Variants in ADAMTS20 observed in about 807,000 individuals in gnomAD.
ADAMTS20 encodes the protein ADAM metallopeptidase with thrombospondin type 1 motif 20, also known as A disintegrin and metalloproteinase with thrombospondin motifs 20.
A neutral mutation model predicts 260.1 loss-of-function variants in ADAMTS20; 225 were observed. That is an observed-to-expected ratio of 0.87 (90% confidence interval 0.78 to 0.97). ADAMTS20 has a LOEUF of 0.97. Ranked by LOEUF, ADAMTS20 falls within the 50% of genes least tolerant of loss-of-function variation. The probability of loss-of-function intolerance (pLI) is 0.00; values close to 1 mark genes in which losing one functional copy is unlikely to be tolerated. For synonymous variants in ADAMTS20, 802 were observed against 769.5 expected (o/e 1.04, Z -0.70); for missense variants, 2,400 against 2,337.7 (o/e 1.03, Z -0.55).
chr12:43,388,363 ACT>A (rs1940528372), intron 29 of ADAMTS20, among the ~76,000 whole-genome samples: 1 of 152,072 alleles, frequency 6.6e-6, no homozygotes, highest in Non-Finnish European at 1.5e-5. Context: ...GGCTGTACCC[ACT>A]GTCTAACCAG....
At chr12:43,438,520 C>A (rs960944634) in intron 18 of ADAMTS20, among the ~76,000 whole-genome samples, 1 of 152,138 alleles carries the variant, frequency 6.6e-6, no homozygotes, top group African/African-American at 2.4e-5. Flanking sequence ...AAAATAGGAA[C>A]ATTTGTTCCC....
At position 43,466,676 on chromosome 12, in the gene ADAMTS20, C is replaced by T. The variant is rs759164482; in HGVS notation, c.1343G>A (p.Arg448Gln). 4.8e-5 allele frequency: 77 copies of T among 1,608,882 alleles called. No homozygotes were observed. The highest frequency in any genetic ancestry group is 4.5e-5 in the East Asian group (2 of 44,600). The change falls in exon 9 of 39, where the codon CGG becomes CAG. Residue 448 changes from arginine to glutamine, a missense_variant. By Grantham distance (43) the Arg-to-Gln change is conservative. Transcript: ENST00000389420. ...MSPWSWSNCS[R>Q]KYVTEFLDTG... ...CTCTAGGAATTCAGTAACATATTTC[C>T]GACTACAGTTTGACCAGCTCCAAGG... is the stretch of plus-strand genomic sequence containing the variant.
At chr12:43,506,234 T>A (rs1231070357) in intron 3 of ADAMTS20, among the ~76,000 whole-genome samples, 1 of 147,380 alleles carries the variant, frequency 6.8e-6, no homozygotes, top group Non-Finnish European at 1.5e-5. Flanking sequence ...ATAAGCCAGT[T>A]TTTTTTTTTA....
chr12:43,452,364 G>C lies in ADAMTS20; in HGVS notation c.1989C>G (p.Thr663=), dbSNP rs369993247. The C allele has an allele frequency of 1.1e-5, 17 of 1,613,142 alleles. No homozygotes were observed. Among genetic ancestry groups the C allele is most frequent in the Non-Finnish European group, 1.4e-5 (17 of 1,179,582 alleles). Residue 663 remains threonine, a synonymous_variant, in exon 14 of 39, where the codon ACC becomes ACG. Coordinates refer to ENST00000389420, the MANE Select transcript of ADAMTS20 (RefSeq NM_025003.5). The part of the protein sequence containing the change: ...RCKLYCQVAG[T]NYFYLLKDMV... ...TATCCTTCAATAGGTAGAAATAATT[G>C]GTTCCAGCAACCTGACAATAGAGTT...
chr12:43,425,792 T>C, intron 27 of ADAMTS20, 102 bp from the exon 28 acceptor site: 2 of 788,146 alleles, frequency 2.5e-6, no homozygotes, highest in African/African-American at 1.8e-5. Flanking sequence ...TTTATTCTAG[T>C]AATTTTAACA....
chr12:43,367,090 G>A (rs1403718178), intron 37 of ADAMTS20, among the ~76,000 whole-genome samples: 1 of 151,822 alleles, frequency 6.6e-6, no homozygotes, highest in Non-Finnish European at 1.5e-5. Flanking sequence ...AAAAGCCCAG[G>A]CTCAGATGGC....
At chr12:43,451,812 T>A (rs1419504207) in intron 14 of ADAMTS20, among the ~76,000 whole-genome samples, 1 of 152,092 alleles carries the variant, frequency 6.6e-6, no homozygotes, top group East Asian at 1.9e-4. Context: ...GTATCTGACA[T>A]CTAGTAGCTA....
rs950126122 is a variant in ADAMTS20, at chr12:43,377,619, T to C, written c.4798-57A>G. The stretch of plus-strand genomic sequence containing the variant: ...GTCATTAACTTTAGCCAGGGCCTAA[T>C]ATTTGTCAGATGCTTAATATATATT... On this transcript the variant is annotated intron_variant, in intron 31 of 38. Coordinates refer to ENST00000389420, the MANE Select transcript of ADAMTS20 (RefSeq NM_025003.5). 56 of 1,394,722 alleles carry C rather than the reference T, an allele frequency of 4.0e-5. 1 individual carries two copies. Among genetic ancestry groups the C allele is most frequent in the African/African-American group, 2.3e-4 (16 of 69,966 alleles). The allele number at this position is 1,394,722 out of a possible 1,614,324, so 86.4% of individuals were successfully genotyped here.
chr12:43,525,684 T>C (rs1023962076), intron 3 of ADAMTS20, among the ~76,000 whole-genome samples: 2 of 152,044 alleles, frequency 1.3e-5, no homozygotes, highest in African/African-American at 2.4e-5. Flanking sequence ...GAAAAATACA[T>C]TGAATGCAAA....
intron 3 of ADAMTS20, among the ~76,000 whole-genome samples, chr12:43,504,939 C>G (rs1027334289): frequency 6.6e-6 from 1 of 152,084 alleles, no homozygotes; most frequent in Non-Finnish European, 1.5e-5. Context: ...ATGCATCTAC[C>G]CTATGACATT....
Position 43,421,210 on chromosome 12 carries a change from G to T in ADAMTS20, c.4284+4304C>A, listed in dbSNP as rs972696781. Reference sequence around the variant, plus strand: ...TTTTTTCTGCACAATGTTTCAGAAGGACATTTTTTTTAAGAAGAAACACAA... The same window carrying T: ...TTTTTTCTGCACAATGTTTCAGAAGTACATTTTTTTTAAGAAGAAACACAA... On this transcript the variant is annotated intron_variant, in intron 28 of 38. Coordinates refer to ENST00000389420, the MANE Select transcript of ADAMTS20 (RefSeq NM_025003.5). 6.9e-5 allele frequency among the ~76,000 whole-genome samples: 9 copies of T among 130,814 alleles called. No individual in the cohort carries two copies. In the South Asian group the frequency reaches 2.2e-3, roughly 32 times the overall value. 85.8% of individuals were successfully genotyped at this position (130,814 alleles called of 152,430 possible).
intron 15 of ADAMTS20, among the ~76,000 whole-genome samples, chr12:43,446,315 A>T (rs1287733150): frequency 6.6e-6 from 1 of 152,194 alleles, no homozygotes; most frequent in African/African-American, 2.4e-5. Context: ...CATATCACAC[A>T]TCACAGTCAA....
Position 43,387,487 on chromosome 12 carries a change from G to T in ADAMTS20, c.4453-3510C>A, listed in dbSNP as rs180980550. Among the ~76,000 whole-genome samples, 79 of 152,326 alleles carry T rather than the reference G, an allele frequency of 5.2e-4. 1 individual carries two copies. The highest frequency in any genetic ancestry group is 1.8e-3 in the African/African-American group (73 of 41,578). On this transcript the variant is annotated intron_variant, in intron 29 of 38. Transcript: ENST00000389420. The stretch of plus-strand genomic sequence containing the variant: ...AGAGCTCAGGGATCCACATGAGGAG[G>T]CATTCTGTCCCTTAGCAGAGCTCAA...
At chr12:43,465,965 G>A (rs1942145326) in intron 9 of ADAMTS20, among the ~76,000 whole-genome samples, 1 of 152,066 alleles carries the variant, frequency 6.6e-6, no homozygotes, top group African/African-American at 2.4e-5. Flanking sequence ...AAGAAGTGAA[G>A]TAGTGTTACA....
chr12:43,408,271 T>C (rs1940957022), intron 28 of ADAMTS20, among the ~76,000 whole-genome samples: 1 of 152,220 alleles, frequency 6.6e-6, no homozygotes, highest in Non-Finnish European at 1.5e-5. Flanking sequence ...CATGACCGTC[T>C]GCCTTCCTGG....
chr12:43,357,241 T>G (rs894148988), intron 37 of ADAMTS20, among the ~76,000 whole-genome samples: 1 of 152,200 alleles, frequency 6.6e-6, no homozygotes, highest in Non-Finnish European at 1.5e-5. Flanking sequence ...CAGTACAGAT[T>G]TAAACATTGA....
At chr12:43,436,706 T>C (rs192673291) in intron 18 of ADAMTS20, among the ~76,000 whole-genome samples, 1 of 152,130 alleles carries the variant, frequency 6.6e-6, no homozygotes, top group East Asian at 1.9e-4. Flanking sequence ...GGGAACACAC[T>C]CTACTGAAAC....
At chr12:43,405,622 C>T (rs1940905055) in intron 28 of ADAMTS20, among the ~76,000 whole-genome samples, 1 of 151,876 alleles carries the variant, frequency 6.6e-6, no homozygotes, top group Non-Finnish European at 1.5e-5. Context: ...TCTCCCTCAA[C>T]CATTTTATTT....
chr12:43,461,112 T>C (rs1338035451), intron 11 of ADAMTS20, among the ~76,000 whole-genome samples: 1 of 149,068 alleles, frequency 6.7e-6, no homozygotes, highest in Non-Finnish European at 1.5e-5. Context: ...TGAATCAGTC[T>C]CCTGAGTAGC....
Sources: gnomAD v4.1 joint callset for allele counts (sites outside exome capture counted in the v4.1 genomes callset) on GRCh38, gnomAD v4.1.1 for gene constraint, MANE v1.5 for transcripts, NCBI Gene and HGNC (gene_info 2026-07-23, HGNC 2026-07-21) for gene names.